RBPMS: variants seen among roughly 807,000 people sequenced by gnomAD.
RBPMS encodes RNA binding protein, mRNA processing factor.
In RBPMS, 7 loss-of-function variants were observed where a neutral mutation model predicts 26.8. That is an observed-to-expected ratio of 0.26 (90% CI 0.15 to 0.49). The LOEUF is 0.49. Among genes scored for constraint, RBPMS ranks in the 20% least tolerant of loss-of-function variants. The pLI, the probability that RBPMS is intolerant of heterozygous loss-of-function variation, is 0.98. For synonymous variants in RBPMS, 96 were observed against 93.3 expected (o/e 1.03, Z -0.17); for missense variants, 186 against 250.0 (o/e 0.74, Z 1.73).
intron 5 of RBPMS, among the ~76,000 whole-genome samples, chr8:30,536,281 C>T (rs1488571875): frequency 6.6e-6 from 1 of 152,152 alleles, no homozygotes; most frequent in Non-Finnish European, 1.5e-5. Flanking sequence ...GCATGTGCCA[C>T]CACGCCCAGC....
intron 1 of RBPMS, chr8:30,453,617 G>A (rs556038067): frequency 6.6e-6 from 1 of 152,144 alleles, no homozygotes; most frequent in Admixed American, 6.6e-5. Context: ...AACTGCAGAA[G>A]TACCTTATAA....
chr8:30,569,691 T>C (rs1585917592), intron 8 of RBPMS, among the ~76,000 whole-genome samples: 1 of 151,586 alleles, frequency 6.6e-6, no homozygotes, highest in Non-Finnish European at 1.5e-5. Context: ...TCTGCACAGG[T>C]GGCCCTAAGA....
At chr8:30,525,907 T>A (rs968622288) in intron 5 of RBPMS, among the ~76,000 whole-genome samples, 1 of 152,276 alleles carries the variant, frequency 6.6e-6, no homozygotes, top group African/African-American at 2.4e-5. Flanking sequence ...TGAATAGTTA[T>A]ACAGTGTGTG....
chr8:30,468,108 T>G (rs1816705241), intron 1 of RBPMS, among the ~76,000 whole-genome samples: 1 of 152,226 alleles, frequency 6.6e-6, no homozygotes, highest in Middle Eastern at 3.2e-3. Context: ...TCTTTGTCAG[T>G]AGATCTGGAT....
At position 30,504,447 on chromosome 8, in the gene RBPMS, C is replaced by CT; in HGVS notation, c.397+12dup. On this transcript the variant is annotated intron_variant, in intron 5 of 8. Coordinates refer to ENST00000397323, the MANE Select transcript of RBPMS (RefSeq NM_001008710.3). The stretch of plus-strand genomic sequence containing the variant: ...TTGCCAGAGAGCCATGTAAGTCGAT[C>CT]TACTTTTCATTCAAAAGTAATAATA... 6.2e-7 allele frequency: 1 copy of CT among 1,612,622 alleles called. No homozygotes were observed.
chr8:30,443,950 AGGC>A (rs962915817), intron 1 of RBPMS, among the ~76,000 whole-genome samples: 24 of 149,950 alleles, frequency 1.6e-4, no homozygotes, highest in African/African-American at 5.7e-4. Context: ...TCTATTGCCC[AGGC>A]TGGAATGCAG....
chr8:30,392,556 G>GC (rs1252533906), intron 1 of RBPMS, among the ~76,000 whole-genome samples: 1 of 152,178 alleles, frequency 6.6e-6, no homozygotes, highest in Non-Finnish European at 1.5e-5. Flanking sequence ...GTCCCAATGG[G>GC]CAGGGGGATG....
At chr8:30,441,239 G>C (rs895562587) in intron 1 of RBPMS, among the ~76,000 whole-genome samples, 7 of 152,168 alleles carry the variant, frequency 4.6e-5, no homozygotes, top group African/African-American at 1.7e-4. Context: ...CAAAGGTAGA[G>C]TTAAAATTTT....
chr8:30,497,728 TG>T (rs1563377019), intron 4 of RBPMS, among the ~76,000 whole-genome samples: 1 of 152,002 alleles, frequency 6.6e-6, no homozygotes, highest in African/African-American at 2.4e-5. Flanking sequence ...ACAGTTCTCC[TG>T]CCTCAGCCTC....
chr8:30,495,485 G>A (rs1040902279), intron 4 of RBPMS, among the ~76,000 whole-genome samples: 1 of 152,080 alleles, frequency 6.6e-6, no homozygotes, highest in African/African-American at 2.4e-5. Flanking sequence ...TTCTCCAAGT[G>A]CAGTATAGCT....
chr8:30,384,908 C>CG lies in RBPMS; in HGVS notation c.-184dup. On this transcript the variant is annotated 5_prime_UTR_variant, in exon 1 of 9. Transcript: ENST00000397323. The surrounding 1 kb of genome is among the most constrained non-coding windows in gnomAD (Gnocchi z 5.6). ...TCGCCCGCCGCCGCCGTCGCAGACT[C>CG]GCCGCGGGAGCCCCAGCCCAACCCG... 2.7e-6 allele frequency: 1 copy of CG among 373,200 alleles called. No homozygotes were observed. The highest frequency in any genetic ancestry group is 4.4e-5 in the East Asian group (1 of 22,890). 23.1% of individuals were successfully genotyped at this position (373,200 alleles called of 1,614,324 possible). A position where few individuals can be genotyped will look rare whatever the true frequency, so the allele number is the denominator to read the frequency against.
At chr8:30,476,546 G>A (rs544131335) in intron 2 of RBPMS, among the ~76,000 whole-genome samples, 75 of 152,260 alleles carry the variant, frequency 4.9e-4, no homozygotes, top group Non-Finnish European at 7.1e-4. Context: ...TAGCTAATTG[G>A]TAACATAGTT....
intron 5 of RBPMS, among the ~76,000 whole-genome samples, chr8:30,517,253 C>T (rs1004136677): frequency 1.5e-5 from 2 of 137,194 alleles, no homozygotes; most frequent in Non-Finnish European, 3.1e-5. Context: ...ACCATGTAAC[C>T]AAAGCTCTTT....
chr8:30,439,615 C>T (rs1200504011), intron 1 of RBPMS, among the ~76,000 whole-genome samples: 1 of 152,058 alleles, frequency 6.6e-6, no homozygotes, highest in African/African-American at 2.4e-5. Flanking sequence ...CTCTTGCTTC[C>T]CTCTTGCTAA....
intron 1 of RBPMS, among the ~76,000 whole-genome samples, chr8:30,449,237 T>C (rs956813722): frequency 6.6e-6 from 1 of 152,188 alleles, no homozygotes; most frequent in African/African-American, 2.4e-5. Flanking sequence ...TTGTTGTTTT[T>C]GTTTAAGTAG....
At chr8:30,565,132 TC>T (rs767677064) in intron 7 of RBPMS, 2 of 152,194 alleles carry the variant, frequency 1.3e-5, no homozygotes, top group Admixed American at 6.5e-5. Flanking sequence ...ATTTTCCTGT[TC>T]TCAAGTAACC....
intron 6 of RBPMS, among the ~76,000 whole-genome samples, chr8:30,550,081 A>G (rs1010243825): frequency 1.3e-4 from 20 of 151,942 alleles, no homozygotes; most frequent in African/African-American, 4.8e-4. Flanking sequence ...CGATCTCATG[A>G]CCTTATGATC....
At chr8:30,464,607 T>A (rs553972875) in intron 1 of RBPMS, among the ~76,000 whole-genome samples, 1 of 152,312 alleles carries the variant, frequency 6.6e-6, no homozygotes, top group African/African-American at 2.4e-5. Context: ...AAACTGCCAA[T>A]GTCTGTTTTT....
chr8:30,428,765 G>A (rs1362965072), intron 1 of RBPMS, among the ~76,000 whole-genome samples: 4 of 151,912 alleles, frequency 2.6e-5, no homozygotes, highest in African/African-American at 9.7e-5. Context: ...AGTACGTACT[G>A]TGGGAATATA....
Sources: allele counts gnomAD v4.1 joint callset (sites outside exome capture counted in the v4.1 genomes callset), GRCh38; gene constraint gnomAD v4.1.1; non-coding constraint Gnocchi (gnomAD v3.1); transcripts MANE v1.5; gene names NCBI Gene and HGNC (gene_info 2026-07-23, HGNC 2026-07-21).